The following ARID4A variants were observed in gnomAD, a reference collection of about 807,000 sequenced individuals.
The protein encoded by ARID4A is AT-rich interaction domain 4A.
In ARID4A, 39 loss-of-function variants were observed where a neutral mutation model predicts 148.6. The ratio of observed to expected loss-of-function variants is 0.26; its 90% confidence interval spans 0.20 to 0.34. The LOEUF (loss-of-function observed/expected upper bound fraction) is 0.34. Among genes scored for constraint, ARID4A ranks in the 10% least tolerant of loss-of-function variants. The probability of loss-of-function intolerance (pLI) is 1.00; values close to 1 mark genes in which losing one functional copy is unlikely to be tolerated. For synonymous variants in ARID4A, 475 were observed against 481.2 expected (o/e 0.99, Z 0.17); for missense variants, 1,265 against 1,449.1 (o/e 0.87, Z 2.06).
At chr14:58,367,851 C>T (rs2035423359) in intron 23 of ARID4A, among the ~76,000 whole-genome samples, 2 of 152,160 alleles carry the variant, frequency 1.3e-5, no homozygotes, top group African/African-American at 4.8e-5. Context: ...AACAGATGGA[C>T]TACTGTAACT....
At chr14:58,348,635 T>C (rs978034828) in intron 15 of ARID4A, among the ~76,000 whole-genome samples, 3 of 152,216 alleles carry the variant, frequency 2.0e-5, no homozygotes, top group African/African-American at 7.2e-5. Flanking sequence ...TATCAAATTT[T>C]AGAAAGAGAA....
At position 58,365,045 on chromosome 14, in the gene ARID4A, A is replaced by G. The variant is rs1412636261; in HGVS notation, c.2956A>G (p.Asn986Asp). 1 of 1,614,162 alleles carries G rather than the reference A, an allele frequency of 6.2e-7. No homozygotes were observed. Among genetic ancestry groups the G allele is most frequent in the African/African-American group, 1.3e-5 (1 of 75,058 alleles). The change falls in exon 20 of 24, where the codon AAC becomes GAC. Residue 986 changes from asparagine to aspartate, a missense_variant. Physicochemically the swap from Asn to Asp is conservative, Grantham distance 23 (BLOSUM62 1). This residue lies in a region of ARID4A where 666 missense variants were observed against 730.9 expected (regional missense o/e 0.91). Transcript: ENST00000355431. ...EDVAVESSES[N>D]SLVSIPPALP... ...TGTAGCAGTTGAAAGCTCTGAGTCTAACTCTCTTGTTTCTATTCCACCTGC... is the reference window on the plus strand; with the variant it reads ...TGTAGCAGTTGAAAGCTCTGAGTCTGACTCTCTTGTTTCTATTCCACCTGC...
chr14:58,368,159 T>C (rs1230993665), intron 23 of ARID4A, among the ~76,000 whole-genome samples: 1 of 152,150 alleles, frequency 6.6e-6, no homozygotes, highest in Non-Finnish European at 1.5e-5. Context: ...CTGAGGGTAA[T>C]GATTAAGTGC....
chr14:58,365,107 T>C lies in ARID4A; in HGVS notation c.3018T>C (p.Ala1006=), dbSNP rs1326486052. Residue 1006 remains alanine (A), a synonymous_variant, in exon 20 of 24, where the codon GCT becomes GCC. Coordinates refer to ENST00000355431, the MANE Select transcript of ARID4A (RefSeq NM_002892.4). The part of the protein sequence containing the change: ...PPVVQHNFSV[A]SPLTLSQDES... Reference sequence around the variant, plus strand: ...TAGTCCAACATAACTTTTCAGTAGCTTCACCACTTACTCTTAGTCAAGATG... The same window carrying C: ...TAGTCCAACATAACTTTTCAGTAGCCTCACCACTTACTCTTAGTCAAGATG... The C allele has an allele frequency of 1.2e-6, 2 of 1,614,014 alleles. No individual in the cohort carries two copies. Among genetic ancestry groups the C allele is most frequent in the African/African-American group, 2.7e-5 (2 of 74,926 alleles).
At chr14:58,332,323 T>C (rs1235160996) in intron 11 of ARID4A, among the ~76,000 whole-genome samples, 1 of 152,170 alleles carries the variant, frequency 6.6e-6, no homozygotes, top group Admixed American at 6.5e-5. Flanking sequence ...AGGATGCTTT[T>C]CATCTACTGG....
chr14:58,356,699 ATTTTTT>A (rs1174156900), intron 17 of ARID4A, among the ~76,000 whole-genome samples: 1 of 128,070 alleles, frequency 7.8e-6, no homozygotes, highest in Non-Finnish European at 1.7e-5. Context: ...TTGAATTTTG[ATTTTTT>A]TTTTTTTTTT....
chr14:58,324,192 C>A (rs927728274), intron 8 of ARID4A, among the ~76,000 whole-genome samples: 6 of 152,146 alleles, frequency 3.9e-5, no homozygotes, highest in Non-Finnish European at 7.3e-5. Flanking sequence ...CGTGAGCCAC[C>A]GCGCCTGGCC....
At chr14:58,316,018 A>G (rs1376004513) in intron 5 of ARID4A, among the ~76,000 whole-genome samples, 2 of 152,228 alleles carry the variant, frequency 1.3e-5, no homozygotes, top group Admixed American at 6.5e-5. Flanking sequence ...ATAAATATTT[A>G]ACATGTTGAA....
intron 22 of ARID4A, 98 bp from the exon 23 acceptor site, chr14:58,366,785 C>A: frequency 1.1e-6 from 1 of 951,038 alleles, no homozygotes. Context: ...TAAACTAAAG[C>A]TTTTGTTGAT....
chr14:58,316,355 CTTATT>C (rs1336878074), intron 5 of ARID4A, among the ~76,000 whole-genome samples: 3 of 152,214 alleles, frequency 2.0e-5, no homozygotes, highest in Admixed American at 6.5e-5. Flanking sequence ...AAGATTATAT[CTTATT>C]TTATTCATAA....
chr14:58,371,776 G>A (rs142369687), intron 23 of ARID4A, 110 bp from the exon 24 acceptor site: 1 of 836,100 alleles, frequency 1.2e-6, no homozygotes, highest in African/African-American at 1.7e-5. Context: ...ACATATAAGA[G>A]GCCTGTGATT....
chr14:58,319,528 T>G (rs1307567668), intron 7 of ARID4A, among the ~76,000 whole-genome samples: 21 of 9,552 alleles, frequency 2.2e-3, no homozygotes, highest in Admixed American at 0.011. Flanking sequence ...ACTCTTTTTT[T>G]TTTTTTTTTT....
intron 9 of ARID4A, among the ~76,000 whole-genome samples, chr14:58,328,941 C>T (rs987082292): frequency 1.3e-5 from 2 of 151,160 alleles, no homozygotes. Flanking sequence ...TGCAGTGAGC[C>T]GAGATCGCGC....
Position 58,364,298 on chromosome 14 carries a change from C to G in ARID4A, c.2209C>G (p.Pro737Ala). Residue 737 changes from proline to alanine, a missense_variant, in exon 20 of 24, where the codon CCA becomes GCA. This residue lies in a region of ARID4A where 666 missense variants were observed against 730.9 expected (regional missense o/e 0.91). Transcript: ENST00000355431. Reference protein sequence around the residue: ...LNDDKLDEENPKISAHILKEN... With the variant: ...LNDDKLDEENAKISAHILKEN... ...TGATGATAAGCTAGATGAAGAAAAT[C>G]CAAAGATTTCTGCACATATATTAAA... The G allele has an allele frequency of 6.4e-7, 1 of 1,555,206 alleles. No homozygotes were observed. Among genetic ancestry groups the G allele is most frequent in the South Asian group, 1.3e-5 (1 of 79,198 alleles).
At chr14:58,323,733 A>T in intron 8 of ARID4A, 116 bp downstream of exon 8, 1 of 863,620 alleles carries the variant, frequency 1.2e-6, no homozygotes, top group Non-Finnish European at 1.8e-6. Flanking sequence ...ACTTTATTGG[A>T]GATTTTTTAA....
rs548772971 is a variant in ARID4A, at chr14:58,347,834, A to T, written c.1360A>T (p.Asn454Tyr). ...TGAACCTGAGGAAAATATCGATTCA[A>T]ACAGTGAAAGTGAAAGAGAAGAGAT... ...KSEPEENIDSNSESEREEIEL... is the reference protein window; with the variant it reads ...KSEPEENIDSYSESEREEIEL... The change falls in exon 15 of 24, where the codon AAC (asparagine) becomes TAC (tyrosine). Residue 454 changes from asparagine (N) to tyrosine (Y), a missense_variant. Asn to Tyr is a moderately radical substitution (Grantham distance 143). Coordinates refer to ENST00000355431, the MANE Select transcript of ARID4A (RefSeq NM_002892.4). 4 of 1,613,578 alleles carry T rather than the reference A, an allele frequency of 2.5e-6. No homozygotes were observed. The South Asian group carries it at 3.3e-5, about 13-fold the overall frequency.
intron 8 of ARID4A, 123 bp from the exon 9 acceptor site, chr14:58,328,114 A>C: frequency 1.5e-6 from 1 of 675,212 alleles, no homozygotes; most frequent in South Asian, 1.8e-5. Flanking sequence ...TTTATAATGA[A>C]GCTGTTTTTT....
At chr14:58,303,815 T>A (rs1269042023) in intron 3 of ARID4A, 1 of 197,834 alleles carries the variant, frequency 5.1e-6, no homozygotes, top group Non-Finnish European at 1.1e-5. Flanking sequence ...CTGATGCATG[T>A]TAAAAGTTTA....
In ARID4A at chr14:58,347,998, G is replaced by A; in HGVS notation, c.1404+120G>A. On this transcript the variant is annotated intron_variant, in intron 15 of 23. Coordinates refer to ENST00000355431, the MANE Select transcript of ARID4A (RefSeq NM_002892.4). ...CCTAGTTTATTTTCCAGTATTTAAT[G>A]CTGCTTAGCTAGCTACTTTTTTCGA... is the stretch of plus-strand genomic sequence containing the variant. 3 of 666,162 alleles carry A rather than the reference G, an allele frequency of 4.5e-6. No individual in the cohort carries two copies. The South Asian group carries it at 7.1e-5, about 16-fold the overall frequency. The allele number at this position is 666,162 out of a possible 1,614,324, so 41.3% of individuals were successfully genotyped here. A position where few individuals can be genotyped will look rare whatever the true frequency, so the allele number is the denominator to read the frequency against.
Sources: allele counts gnomAD v4.1 joint callset (sites outside exome capture counted in the v4.1 genomes callset), GRCh38; gene constraint gnomAD v4.1.1; regional missense constraint gnomAD v4.1.1; transcripts MANE v1.5; gene names NCBI Gene and HGNC (gene_info 2026-07-23, HGNC 2026-07-21).